Variants in SP140 observed in about 807,000 individuals in gnomAD.
SP140 encodes the protein nuclear body protein SP140.
In SP140, 81 loss-of-function variants were observed where a neutral mutation model predicts 125.0. That is an observed-to-expected ratio of 0.65 (90% confidence interval 0.54 to 0.78). The LOEUF is 0.78. SP140 is among the 30% of genes least tolerant of loss of function. The probability of loss-of-function intolerance (pLI) is 0.00; values close to 1 mark genes in which losing one functional copy is unlikely to be tolerated. For missense variants in SP140, 858 were observed against 1,037.0 expected, an observed-to-expected ratio of 0.83 and a Z score of 2.37; for synonymous variants, 312 against 354.0, an observed-to-expected ratio of 0.88 and a Z score of 1.33.
chr2:230,259,324 C>T (rs2051789621), intron 12 of SP140, among the ~76,000 whole-genome samples: 1 of 151,992 alleles, frequency 6.6e-6, no homozygotes, highest in Non-Finnish European at 1.5e-5. Flanking sequence ...GCTTAGCTCC[C>T]ACGTATCAGT....
At chr2:230,275,670 G>A (rs1243018147) in intron 15 of SP140, among the ~76,000 whole-genome samples, 4 of 152,142 alleles carry the variant, frequency 2.6e-5, no homozygotes, top group Non-Finnish European at 5.9e-5. Context: ...GTTAAAGGAA[G>A]CGTCACATGT....
intron 3 of SP140, chr2:230,215,192 A>G: frequency 8.2e-7 from 1 of 1,214,400 alleles, no homozygotes; most frequent in Non-Finnish European, 1.2e-6. Context: ...ATGGTTTTCT[A>G]AGTTTTAAGA....
At chr2:230,233,520 A>T in intron 1 of SP140, among the ~76,000 whole-genome samples, 1 of 152,270 alleles carries the variant, frequency 6.6e-6, no homozygotes. Flanking sequence ...GGATATTTTT[A>T]TATTTTTAAA....
At chr2:230,253,643 T>A (rs766417871) in intron 11 of SP140, among the ~76,000 whole-genome samples, 2 of 152,066 alleles carry the variant, frequency 1.3e-5, no homozygotes, top group Non-Finnish European at 2.9e-5. Flanking sequence ...GCATGGAGCA[T>A]GTAGGGAGAT....
the SP140 span, among the ~76,000 whole-genome samples, chr2:230,194,493 G>A: frequency 6.8e-6 from 1 of 147,014 alleles, no homozygotes; most frequent in African/African-American, 2.5e-5. Flanking sequence ...GGAACAGAAA[G>A]GGAAGAGGGA....
At chr2:230,206,977 T>C (rs1574713310) in intron 1 of SP140, among the ~76,000 whole-genome samples, 1 of 152,190 alleles carries the variant, frequency 6.6e-6, no homozygotes, top group East Asian at 1.9e-4. Flanking sequence ...CCCTAGGTAT[T>C]TATATATCAC....
intron 1 of SP140, among the ~76,000 whole-genome samples, chr2:230,226,395 C>T (rs2046358691): frequency 6.6e-6 from 1 of 152,152 alleles, no homozygotes; most frequent in Admixed American, 6.5e-5. Context: ...ACTTCAGGAT[C>T]TCTGAATACT....
At chr2:230,238,766 T>C (rs1253401448) in intron 3 of SP140, 1 of 1,550,286 alleles carries the variant, frequency 6.5e-7, no homozygotes, top group Non-Finnish European at 8.7e-7. Context: ...ATTAGAAAAT[T>C]TATCATCCAG....
intron 23 of SP140, 98 bp downstream of exon 23, chr2:230,310,137 G>A (rs570757245): frequency 8.6e-7 from 1 of 1,168,336 alleles, no homozygotes; most frequent in Admixed American, 2.0e-5. Context: ...TCTAGATGGG[G>A]AAAGAGCAGG....
chr2:230,295,712 T>A (rs2057639856), intron 21 of SP140, among the ~76,000 whole-genome samples: 1 of 152,158 alleles, frequency 6.6e-6, no homozygotes, highest in Admixed American at 6.5e-5. Flanking sequence ...TCACTATGAG[T>A]GCCACATGAT....
chr2:230,213,545 G>C (rs767732849), intron 1 of SP140: 3 of 163,176 alleles, frequency 1.8e-5, no homozygotes, highest in Non-Finnish European at 4.1e-5. Flanking sequence ...GTCACACCCA[G>C]CTTTCTCTCC....
Position 230,270,595 on chromosome 2 carries a change from A to G in SP140, c.1454A>G (p.Asp485Gly). The G allele has an allele frequency of 6.2e-7, 1 of 1,609,014 alleles. No homozygotes were observed. The highest frequency in any genetic ancestry group is 8.5e-7 in the Non-Finnish European group (1 of 1,177,672). ...ACTTGTTATTTTCCAGATACTGTGG[A>G]TATTGCAAACAACTCCACTTTGGGA... ...DQACGTMDTV[D>G]IANNSTLGKP... Residue 485 changes from aspartate (D) to glycine (G), a missense_variant, in exon 15 of 27, where the codon GAT becomes GGT. Asp to Gly is a moderately conservative substitution (Grantham distance 94). Transcript: ENST00000392045.
chr2:230,227,471 G>A (rs548325308), intron 1 of SP140, among the ~76,000 whole-genome samples: 1 of 152,304 alleles, frequency 6.6e-6, no homozygotes, highest in South Asian at 2.1e-4. Context: ...TGTTGCCTCT[G>A]CTCTTATTTT....
chr2:230,244,115 A>G lies in SP140; in HGVS notation c.571+304A>G, dbSNP rs548708856. ...TACTATTATTATTTTGTCCCTTACT[A>G]TAGAAAGCCTTCAAAAGAAACATGT... On this transcript the variant is annotated intron_variant, in intron 5 of 26. Transcript: ENST00000392045. Among the ~76,000 whole-genome samples the G allele has an allele frequency of 2.0e-5, 3 of 152,350 alleles. No individual in the cohort carries two copies. In the South Asian group the frequency reaches 6.2e-4, roughly 32 times the overall value.
rs1221855954 is a variant in SP140 at position 230,211,399 on chromosome 2, T to C, written c.-322-2255T>C. ...GGAGGAGAGCCCCCTCTCTAGAAGA[T>C]CCGAATGGCTTTTCCTCTTAGTAAA... On this transcript the variant is annotated intron_variant, in intron 1 of 4. Transcript: ENST00000456542. The surrounding 1 kb of genome is among the most constrained non-coding windows in gnomAD (Gnocchi z 4.2). The C allele has an allele frequency of 3.1e-6, 3 of 971,384 alleles. No individual in the cohort carries two copies. Among genetic ancestry groups the C allele is most frequent in the Non-Finnish European group, 5.0e-6 (3 of 594,708 alleles). The allele number at this position is 971,384 out of a possible 1,614,324, so 60.2% of individuals were successfully genotyped here. A position where few individuals can be genotyped will look rare whatever the true frequency, so the allele number is the denominator to read the frequency against.
chr2:230,234,283 C>T (rs1046595464), intron 1 of SP140, among the ~76,000 whole-genome samples: 1 of 152,190 alleles, frequency 6.6e-6, no homozygotes, highest in African/African-American at 2.4e-5. Flanking sequence ...ATGACAGTCA[C>T]TGTGGTAGAG....
chr2:230,198,945 CTT>C (rs1419555044), upstream of SP140, among the ~76,000 whole-genome samples: 2 of 152,006 alleles, frequency 1.3e-5, no homozygotes, highest in Admixed American at 1.3e-4. Context: ...CCTTCTTTGA[CTT>C]TGCCATTTTC....
At chr2:230,288,073 C>T in intron 18 of SP140, 107 bp downstream of exon 18, 1 of 899,464 alleles carries the variant, frequency 1.1e-6, no homozygotes, top group Non-Finnish European at 1.6e-6. Context: ...TTTTATGAAG[C>T]TGTACTAACT....
upstream of SP140, among the ~76,000 whole-genome samples, chr2:230,221,959 T>C (rs755099782): frequency 6.6e-6 from 1 of 152,192 alleles, no homozygotes; most frequent in Non-Finnish European, 1.5e-5. Context: ...GCACAGTGGC[T>C]CAGGCCTGTA....
Sources: allele counts gnomAD v4.1 joint callset (sites outside exome capture counted in the v4.1 genomes callset), GRCh38; gene constraint gnomAD v4.1.1; non-coding constraint Gnocchi (gnomAD v3.1); transcripts MANE v1.5; gene names NCBI Gene and HGNC (gene_info 2026-07-23, HGNC 2026-07-21).